SGCZ: variants seen among roughly 807,000 people sequenced by gnomAD.
The protein encoded by SGCZ is sarcoglycan zeta.
Under a neutral mutation model 41.3 loss-of-function variants are expected in SGCZ, and 40 were observed. The ratio of observed to expected loss-of-function variants is 0.97; its 90% CI spans 0.75 to 1.26. The LOEUF (loss-of-function observed/expected upper bound fraction) is 1.26. Among genes scored for constraint, SGCZ ranks in the 50% most tolerant of loss-of-function variants. SGCZ has a pLI of 0.00. For missense variants in SGCZ, 552 were observed against 369.8 expected (o/e 1.49, Z -4.04); for synonymous variants, 206 against 137.5 (o/e 1.50, Z -3.49).
intron 1 of SGCZ, among the ~76,000 whole-genome samples, chr8:15,159,951 A>G (rs74763824): frequency 0.2 from 29,728 of 151,720 alleles, 3,464 homozygotes; most frequent in East Asian, 0.47. Context: ...AGAGGTGTTC[A>G]TTATAGACGA....
chr8:14,914,483 G>C (rs937039841), intron 1 of SGCZ, among the ~76,000 whole-genome samples: 1 of 151,468 alleles, frequency 6.6e-6, no homozygotes, highest in Non-Finnish European at 1.5e-5. Flanking sequence ...GGCCCACAAA[G>C]AAATACTATT....
intron 2 of SGCZ, among the ~76,000 whole-genome samples, chr8:14,526,060 A>G (rs548182804): frequency 2.0e-5 from 3 of 152,248 alleles, no homozygotes; most frequent in African/African-American, 7.2e-5. Context: ...TATTCGAAAA[A>G]GTATTTTGAT....
chr8:14,209,625 G>A (rs1230648924), intron 4 of SGCZ, among the ~76,000 whole-genome samples: 4 of 152,058 alleles, frequency 2.6e-5, no homozygotes, highest in African/African-American at 9.7e-5. Context: ...ATTATATTAA[G>A]TGAAAAGTTG....
rs116508784 is a variant in SGCZ, at chr8:14,978,062, G to A, written c.39+259523C>T. On this transcript the variant is annotated intron_variant, in intron 1 of 7. Transcript: ENST00000382080. ...TTATAGCTCTGAAGTTTCTTTTCCT[G>A]TCGCGGCTAGGTGCGTACTTTCATG... Among the ~76,000 whole-genome samples, 727 of 151,834 alleles carry A rather than the reference G, an allele frequency of 4.8e-3. 3 individuals carry two copies. The highest frequency in any genetic ancestry group is 0.016 in the African/African-American group (682 of 41,374).
intron 3 of SGCZ, among the ~76,000 whole-genome samples, chr8:14,238,128 C>G (rs2117169677): frequency 6.6e-6 from 1 of 152,342 alleles, no homozygotes; most frequent in South Asian, 2.1e-4. Flanking sequence ...CAGAGTCTTT[C>G]AATCCTCAAA....
chr8:14,362,500 C>G (rs565942323), intron 2 of SGCZ, among the ~76,000 whole-genome samples: 66 of 151,800 alleles, frequency 4.3e-4, no homozygotes, highest in African/African-American at 1.6e-3. Flanking sequence ...GACCCAAAAG[C>G]CAGGCACAAG....
In SGCZ at chr8:14,817,296, G is replaced by A. The variant is rs151157870; in HGVS notation, c.40-262370C>T. ...ATCATGGAGGATTTTGTCTTACAGG[G>A]AAAAGGTAAGCAGATCTCCGGTGGT... is the stretch of plus-strand genomic sequence containing the variant. On this transcript the variant is annotated intron_variant, in intron 1 of 7. Transcript: ENST00000382080. Among the ~76,000 whole-genome samples, 664 of 152,164 alleles carry A rather than the reference G, an allele frequency of 4.4e-3. 2 individuals are homozygous for A. The highest frequency in any genetic ancestry group is 6.2e-3 in the Non-Finnish European group (421 of 68,002).
intron 1 of SGCZ, among the ~76,000 whole-genome samples, chr8:15,049,557 G>A (rs751142112): frequency 1.7e-4 from 26 of 152,250 alleles, no homozygotes; most frequent in Non-Finnish European, 3.2e-4. Flanking sequence ...TTTAGAGAAG[G>A]CCAGGAGTGG....
intron 1 of SGCZ, among the ~76,000 whole-genome samples, chr8:15,050,560 T>C (rs912021610): frequency 6.6e-5 from 10 of 152,128 alleles, no homozygotes; most frequent in African/African-American, 2.4e-4. Context: ...TATGCGCAGT[T>C]GAAGCCAAGA....
At chr8:14,230,105 G>A (rs1160900949) in intron 4 of SGCZ, among the ~76,000 whole-genome samples, 2 of 151,992 alleles carry the variant, frequency 1.3e-5, no homozygotes, top group Non-Finnish European at 2.9e-5. Context: ...CAAATCAGAT[G>A]GCATTTTGTC....
intron 2 of SGCZ, among the ~76,000 whole-genome samples, chr8:14,499,657 T>C (rs1802093300): frequency 6.6e-6 from 1 of 152,078 alleles, no homozygotes; most frequent in South Asian, 2.1e-4. Context: ...AGTTTAAATT[T>C]TAAATACTTT....
At chr8:14,776,851 T>A (rs1800419294) in intron 1 of SGCZ, among the ~76,000 whole-genome samples, 2 of 152,202 alleles carry the variant, frequency 1.3e-5, no homozygotes, top group South Asian at 4.1e-4. Context: ...AACTCTTCAT[T>A]GTGTTAAAAT....
chr8:14,182,893 C>G lies in SGCZ; in HGVS notation c.425-18191G>C, dbSNP rs1206464360. The stretch of plus-strand genomic sequence containing the variant: ...AGCGGGGAGGCAGGCACCTGTAATC[C>G]CAACTAGGTGGGAGGCTGAGACAGG... On this transcript the variant is annotated intron_variant, in intron 4 of 7. Coordinates refer to ENST00000382080, the MANE Select transcript of SGCZ (RefSeq NM_139167.4). Among the ~76,000 whole-genome samples, 6 of 151,338 alleles carry G rather than the reference C, an allele frequency of 4.0e-5. No homozygotes were observed. The East Asian group carries it at 1.2e-3, about 30-fold the overall frequency.
At chr8:14,179,243 A>G (rs978873813) in intron 4 of SGCZ, among the ~76,000 whole-genome samples, 4 of 152,188 alleles carry the variant, frequency 2.6e-5, no homozygotes, top group African/African-American at 9.7e-5. Flanking sequence ...ATGACGGGAA[A>G]TTATCATAAC....
At chr8:14,254,587 T>C (rs1799398416) in intron 3 of SGCZ, among the ~76,000 whole-genome samples, 2 of 152,232 alleles carry the variant, frequency 1.3e-5, no homozygotes, top group African/African-American at 4.8e-5. Flanking sequence ...TTGTTTCATT[T>C]CCCATTATTT....
At chr8:14,442,769 A>C (rs1800309622) in intron 2 of SGCZ, among the ~76,000 whole-genome samples, 1 of 152,214 alleles carries the variant, frequency 6.6e-6, no homozygotes, top group Non-Finnish European at 1.5e-5. Context: ...TTGGCTCTTC[A>C]TTCAAAGCCA....
chr8:14,712,706 C>G (rs933438489), intron 1 of SGCZ, among the ~76,000 whole-genome samples: 1 of 152,112 alleles, frequency 6.6e-6, no homozygotes, highest in Non-Finnish European at 1.5e-5. Context: ...TCTAATGTAG[C>G]CTTGAGAATA....
At chr8:14,727,210 T>C (rs545566306) in intron 1 of SGCZ, among the ~76,000 whole-genome samples, 1 of 152,180 alleles carries the variant, frequency 6.6e-6, no homozygotes, top group South Asian at 2.1e-4. Context: ...TAGTCAATAA[T>C]CTCAGGAAAA....
chr8:14,641,746 T>C (rs918260103), intron 1 of SGCZ, among the ~76,000 whole-genome samples: 19 of 151,656 alleles, frequency 1.3e-4, no homozygotes, highest in African/African-American at 3.4e-4. Context: ...TGACATAAAT[T>C]ATAAACCCAC....
Sources: gnomAD v4.1 joint callset for allele counts (sites outside exome capture counted in the v4.1 genomes callset) on GRCh38, gnomAD v4.1.1 for gene constraint, MANE v1.5 for transcripts, NCBI Gene and HGNC (gene_info 2026-07-23, HGNC 2026-07-21) for gene names.